The following KIF26B variants were observed in gnomAD, a reference collection of about 807,000 sequenced individuals.
The protein encoded by KIF26B is kinesin-like protein KIF26B.
In KIF26B, 63 loss-of-function variants were observed where a neutral mutation model predicts 151.2. The observed-to-expected ratio is 0.42, with a 90% CI of 0.34 to 0.51. KIF26B has a LOEUF of 0.51. Ranked by LOEUF, KIF26B falls within the 20% of genes least tolerant of loss-of-function variation. The pLI, the probability that KIF26B is intolerant of heterozygous loss-of-function variation, is 0.07. For synonymous variants in KIF26B, 1,357 were observed against 1,262.1 expected (o/e 1.08, Z -1.59); for missense variants, 2,813 against 2,913.6 (o/e 0.97, Z 0.79).
At position 245,602,679 on chromosome 1, in the gene KIF26B, G is replaced by A. The variant is rs779367297; in HGVS notation, c.1453G>A (p.Asp485Asn). The A allele has an allele frequency of 4.4e-5, 71 of 1,613,898 alleles. 1 individual carries two copies. Among genetic ancestry groups the A allele is most frequent in the Non-Finnish European group, 5.2e-5 (61 of 1,179,884 alleles). The change falls in exon 6 of 15, where the codon GAT (aspartate) becomes AAT (asparagine). Residue 485 changes from aspartate (D) to asparagine (N), a missense_variant. This residue lies in a region of KIF26B where 676 missense variants were observed against 688.1 expected (regional missense o/e 0.98). Transcript: ENST00000407071. The surrounding 1 kb of genome is among the most constrained non-coding windows in gnomAD (Gnocchi z 4.5). ...DPRKKQITLY[D>N]PLTCGGQNAF... is the part of the protein sequence containing the mutation. ...ACGGAAGAAGCAGATCACCTTGTAC[G>A]ATCCCCTGACTTGTGGAGGTCAAAA...
At chr1:245,672,951 A>G (rs1362788322) in intron 10 of KIF26B, among the ~76,000 whole-genome samples, 1 of 152,208 alleles carries the variant, frequency 6.6e-6, no homozygotes, top group African/African-American at 2.4e-5. Flanking sequence ...ACCGCTTTGG[A>G]GAACATTAGA....
intron 4 of KIF26B, among the ~76,000 whole-genome samples, chr1:245,444,897 T>TA (rs957772552): frequency 7.9e-5 from 12 of 152,072 alleles, no homozygotes; most frequent in Admixed American, 7.9e-4. Flanking sequence ...TAGCCACGTG[T>TA]AAAAAAAATT....
intron 5 of KIF26B, among the ~76,000 whole-genome samples, chr1:245,552,122 GGTGTGTGTGTGTGTGTGTGT>G (rs55650522): frequency 8.4e-5 from 11 of 131,708 alleles, no homozygotes; most frequent in Admixed American, 3.1e-4. Context: ...GAACCAGCAG[GGTGTGTGTGTGTGTGTGTGT>G]GTGTGTGTGT....
intron 2 of KIF26B, among the ~76,000 whole-genome samples, chr1:245,326,450 G>C (rs1463122700): frequency 2.6e-5 from 4 of 152,168 alleles, no homozygotes; most frequent in African/African-American, 9.7e-5. Flanking sequence ...TAGTTCCCCT[G>C]TCCTCAGCCC....
At chr1:245,652,393 G>A (rs2044029150) in intron 10 of KIF26B, among the ~76,000 whole-genome samples, 1 of 152,152 alleles carries the variant, frequency 6.6e-6, no homozygotes, top group Admixed American at 6.5e-5. Context: ...TGGTTAGGAT[G>A]CAGAGAATGT....
chr1:245,574,558 C>T (rs546931902), intron 5 of KIF26B, among the ~76,000 whole-genome samples: 4 of 152,302 alleles, frequency 2.6e-5, no homozygotes, highest in Admixed American at 2.6e-4. Context: ...CTGGTTGCTC[C>T]AGGGCCGGTG....
intron 5 of KIF26B, among the ~76,000 whole-genome samples, chr1:245,558,213 G>A (rs1192632174): frequency 6.6e-6 from 1 of 152,126 alleles, no homozygotes; most frequent in East Asian, 1.9e-4. Flanking sequence ...TGTTTAGCTG[G>A]TCACATGGCT....
At chr1:245,195,801 G>A (rs1314874628) in intron 2 of KIF26B, among the ~76,000 whole-genome samples, 1 of 152,240 alleles carries the variant, frequency 6.6e-6, no homozygotes, top group Non-Finnish European at 1.5e-5. Context: ...ACAGCACACA[G>A]TACCTCTGAG....
chr1:245,677,493 C>T (rs1202321285), intron 10 of KIF26B, among the ~76,000 whole-genome samples: 2 of 152,258 alleles, frequency 1.3e-5, no homozygotes, highest in Non-Finnish European at 2.9e-5. Context: ...TGAAATTGAG[C>T]AGCAAGTACT....
intron 4 of KIF26B, among the ~76,000 whole-genome samples, chr1:245,498,849 C>G (rs374069898): frequency 3.3e-4 from 51 of 152,314 alleles, no homozygotes; most frequent in African/African-American, 1.2e-3. Flanking sequence ...TCTCTCTTCC[C>G]TACCTGTGTT....
intron 5 of KIF26B, among the ~76,000 whole-genome samples, chr1:245,590,233 T>C (rs1256340720): frequency 6.6e-6 from 1 of 151,254 alleles, no homozygotes; most frequent in African/African-American, 2.4e-5. Context: ...TCGGGGCCCC[T>C]GGCCGCACCG....
chr1:245,538,761 A>T (rs948154545), intron 4 of KIF26B, among the ~76,000 whole-genome samples: 1 of 152,128 alleles, frequency 6.6e-6, no homozygotes, highest in Non-Finnish European at 1.5e-5. Flanking sequence ...CTGGCAGATC[A>T]CTGTCTTCCT....
At chr1:245,400,006 G>T (rs191953402) in intron 3 of KIF26B, among the ~76,000 whole-genome samples, 17 of 152,166 alleles carry the variant, frequency 1.1e-4, no homozygotes, top group African/African-American at 4.1e-4. Flanking sequence ...AACCTTTATA[G>T]ATATTTCTAG....
intron 6 of KIF26B, among the ~76,000 whole-genome samples, chr1:245,603,651 C>T (rs2043420654): frequency 6.6e-6 from 1 of 152,164 alleles, no homozygotes; most frequent in Admixed American, 6.5e-5. Flanking sequence ...GGTCGTCATC[C>T]AGCAGGCTAG....
chr1:245,665,872 C>G (rs1369390772), intron 10 of KIF26B, among the ~76,000 whole-genome samples: 1 of 151,604 alleles, frequency 6.6e-6, no homozygotes, highest in Non-Finnish European at 1.5e-5. Context: ...TTTGGTAGAG[C>G]TGGGGTTTCA....
intron 2 of KIF26B, among the ~76,000 whole-genome samples, chr1:245,247,810 G>T: frequency 6.6e-6 from 1 of 152,196 alleles, no homozygotes; most frequent in East Asian, 1.9e-4. Context: ...GGAACAGAGA[G>T]GAGCCTCGTG....
chr1:245,399,754 A>C (rs573531450), intron 3 of KIF26B, among the ~76,000 whole-genome samples: 1 of 152,336 alleles, frequency 6.6e-6, no homozygotes, highest in African/African-American at 2.4e-5. Flanking sequence ...TGCCCTCCAG[A>C]AAAACTTGCT....
Position 245,698,035 on chromosome 1 carries a change from C to G in KIF26B, c.5825-71C>G, listed in dbSNP as rs2044716400. 7.1e-7 allele frequency: 1 copy of G among 1,415,436 alleles called. No individual in the cohort carries two copies. The highest frequency in any genetic ancestry group is 1.4e-5 in the African/African-American group (1 of 69,750). The allele number at this position is 1,415,436 out of a possible 1,614,324, so 87.7% of individuals were successfully genotyped here. On this transcript the variant is annotated intron_variant, in intron 12 of 14. Transcript: ENST00000407071. The surrounding 1 kb of genome is among the most constrained non-coding windows in gnomAD (Gnocchi z 4.0). The stretch of plus-strand genomic sequence containing the variant: ...CCAGCCTGGGCAACAGAGCAAGACC[C>G]TGTCTCAAAAAAACAACAAAAAAAT...
chr1:245,273,823 T>G (rs954266595), intron 2 of KIF26B, among the ~76,000 whole-genome samples: 1 of 152,190 alleles, frequency 6.6e-6, no homozygotes, highest in African/African-American at 2.4e-5. Flanking sequence ...ATTTAGCTAC[T>G]GTATGTCTTC....
Sources: allele counts gnomAD v4.1 joint callset (sites outside exome capture counted in the v4.1 genomes callset), GRCh38; gene constraint gnomAD v4.1.1; regional missense constraint gnomAD v4.1.1; non-coding constraint Gnocchi (gnomAD v3.1); transcripts MANE v1.5; gene names NCBI Gene and HGNC (gene_info 2026-07-23, HGNC 2026-07-21).